Variants in CSMD1 observed in about 807,000 individuals in gnomAD.
CSMD1 encodes CUB and Sushi multiple domains 1, also known as CUB and sushi domain-containing protein 1.
A neutral mutation model predicts 417.5 loss-of-function variants in CSMD1; 213 were observed. The ratio of observed to expected loss-of-function variants is 0.51; its 90% CI spans 0.46 to 0.57. The LOEUF (loss-of-function observed/expected upper bound fraction) is 0.57. Ranked by LOEUF, CSMD1 falls within the 20% of genes least tolerant of loss-of-function variation. CSMD1 has a pLI of 0.00. For missense variants in CSMD1, 6,923 were observed against 4,529.7 expected (o/e 1.53, Z -15.17); for synonymous variants, 2,862 against 1,736.8 (o/e 1.65, Z -16.11).
intron 2 of CSMD1, among the ~76,000 whole-genome samples, chr8:4,558,827 C>T (rs1798205973): frequency 6.6e-6 from 1 of 152,150 alleles, no homozygotes; most frequent in South Asian, 2.1e-4. Context: ...GAGATCGTGC[C>T]ACTGCACTCC....
intron 5 of CSMD1, among the ~76,000 whole-genome samples, chr8:3,813,252 T>C (rs979981129): frequency 1.7e-4 from 26 of 152,166 alleles, no homozygotes; most frequent in Admixed American, 1.5e-3. Context: ...ATCATTAAGA[T>C]AGCAATCAAA....
intron 1 of CSMD1, among the ~76,000 whole-genome samples, chr8:4,924,972 C>T (rs1342774052): frequency 6.6e-6 from 1 of 152,152 alleles, no homozygotes; most frequent in African/African-American, 2.4e-5. Context: ...TTGCATCCAC[C>T]ATGGTGTCTA....
At chr8:3,527,609 T>G (rs1391288101) in intron 10 of CSMD1, among the ~76,000 whole-genome samples, 1 of 151,982 alleles carries the variant, frequency 6.6e-6, no homozygotes, top group East Asian at 1.9e-4. Flanking sequence ...CACACGGGCA[T>G]CTAAGAGTCC....
chr8:4,106,625 T>C (rs570239414), intron 3 of CSMD1, among the ~76,000 whole-genome samples: 2 of 152,214 alleles, frequency 1.3e-5, no homozygotes, highest in Non-Finnish European at 1.5e-5. Flanking sequence ...CACCAAAATA[T>C]ATCCAAAATG....
chr8:3,543,346 A>T (rs529874412), intron 10 of CSMD1, among the ~76,000 whole-genome samples: 150 of 152,316 alleles, frequency 9.8e-4, no homozygotes, highest in Middle Eastern at 3.4e-3. Flanking sequence ...GGGGATTTTG[A>T]GCAAACTAGA....
chr8:4,956,073 C>A (rs1208199929), intron 1 of CSMD1, among the ~76,000 whole-genome samples: 4 of 152,126 alleles, frequency 2.6e-5, no homozygotes, highest in Non-Finnish European at 5.9e-5. Flanking sequence ...TGACGTAAAA[C>A]CACTTAGGGG....
At chr8:3,439,309 A>ATATATATATATATATATATTTTTTT in intron 12 of CSMD1, among the ~76,000 whole-genome samples, 8 of 62,450 alleles carry the variant, frequency 1.3e-4, no homozygotes, top group African/African-American at 4.7e-4. Context: ...ATATATATAT[A>ATATATATATATATATATATTTTTTT]TTTTTTTTTT....
rs372250028 is a variant in CSMD1, at chr8:3,487,872, A to T, written c.1448+5751T>A. Among the ~76,000 whole-genome samples the T allele has an allele frequency of 2.9e-4, 44 of 151,730 alleles. No individual in the cohort carries two copies. The South Asian group carries it at 7.5e-3, about 26-fold the overall frequency. ...TGAAACCTCACTTAGTAACATTACC[A>T]ATTTTTTCTAACAAGATCCCATCAA... On this transcript the variant is annotated intron_variant, in intron 11 of 69. Transcript: ENST00000635120.
In CSMD1 at chr8:3,367,084, C is replaced by T; in HGVS notation, c.3063G>A (p.Arg1021=). 1 of 1,613,756 alleles carries T rather than the reference C, an allele frequency of 6.2e-7. No homozygotes were observed. Among genetic ancestry groups the T allele is most frequent in the Non-Finnish European group, 8.5e-7 (1 of 1,179,816 alleles). ...ACGAAATTGAGAAGTCTGATATAAA[C>T]CGAAGCTGGGCAGTGAAGTTTCCAA... ...GLFGNFTAQL[R]FISDFSISYE... The change falls in exon 20 of 70, where the codon CGG becomes CGA. Residue 1021 remains arginine, a synonymous_variant. Coordinates refer to ENST00000635120, the MANE Select transcript of CSMD1 (RefSeq NM_033225.6).
At chr8:2,987,402 TTTC>T (rs1415813310) in intron 54 of CSMD1, among the ~76,000 whole-genome samples, 1 of 148,480 alleles carries the variant, frequency 6.7e-6, no homozygotes, top group Non-Finnish European at 1.5e-5. Context: ...AACAGAAATA[TTTC>T]TTTCTATATA....
intron 1 of CSMD1, among the ~76,000 whole-genome samples, chr8:4,679,118 T>G (rs1805875539): frequency 6.6e-6 from 1 of 152,154 alleles, no homozygotes; most frequent in Admixed American, 6.5e-5. Context: ...AGTTTCTTTT[T>G]CTGTCAATGT....
intron 3 of CSMD1, among the ~76,000 whole-genome samples, chr8:4,048,668 A>T (rs951567926): frequency 2.0e-5 from 3 of 152,204 alleles, no homozygotes; most frequent in African/African-American, 7.2e-5. Context: ...ACCACAGAGG[A>T]AAGTGTGATT....
In CSMD1 at chr8:3,708,731, G is replaced by C. The variant is rs541790647; in HGVS notation, c.932-240C>G. On this transcript the variant is annotated intron_variant, in intron 6 of 69. Coordinates refer to ENST00000635120, the MANE Select transcript of CSMD1 (RefSeq NM_033225.6). ...CAGTGTCGGAAGCTAAAAATAATACGTGCTGCCACTGACTTTACACATCCA... is the reference window on the plus strand; with the variant it reads ...CAGTGTCGGAAGCTAAAAATAATACCTGCTGCCACTGACTTTACACATCCA... Among the ~76,000 whole-genome samples the C allele has an allele frequency of 1.5e-3, 225 of 152,246 alleles. 2 individuals carry two copies. The Middle Eastern group carries it at 0.031, about 21-fold the overall frequency.
At chr8:3,317,445 T>A (rs1425867030) in intron 23 of CSMD1, among the ~76,000 whole-genome samples, 2 of 152,188 alleles carry the variant, frequency 1.3e-5, no homozygotes, top group African/African-American at 4.8e-5. Flanking sequence ...AAGTGTGGAC[T>A]TGTATTCTCT....
rs767918956 is a variant in CSMD1 at position 4,986,881 on chromosome 8, C to T, written c.85+7451G>A. Among the ~76,000 whole-genome samples, 9 of 151,928 alleles carry T rather than the reference C, an allele frequency of 5.9e-5. No homozygotes were observed. The South Asian group carries it at 8.3e-4, about 14-fold the overall frequency. On this transcript the variant is annotated intron_variant, in intron 1 of 69. Transcript: ENST00000635120. The stretch of plus-strand genomic sequence containing the variant: ...ATGGTCTGTGAAAGATTAGTGAAAA[C>T]GTTATTAGATTTTGATCACTTTTAT...
intron 1 of CSMD1, among the ~76,000 whole-genome samples, chr8:4,765,961 C>T (rs571293306): frequency 2.0e-5 from 3 of 152,138 alleles, no homozygotes; most frequent in South Asian, 4.1e-4. Flanking sequence ...AGTTTCCAAA[C>T]ATTTATGTAA....
At chr8:3,971,779 G>A (rs1304899403) in intron 5 of CSMD1, among the ~76,000 whole-genome samples, 2 of 152,180 alleles carry the variant, frequency 1.3e-5, no homozygotes, top group South Asian at 2.1e-4. Context: ...AATTACCAGT[G>A]TAGAGAACAG....
chr8:3,500,437 G>A (rs1796552500), intron 10 of CSMD1, among the ~76,000 whole-genome samples: 1 of 152,094 alleles, frequency 6.6e-6, no homozygotes, highest in Non-Finnish European at 1.5e-5. Flanking sequence ...CACAGAAATG[G>A]GGGTCCCTAA....
chr8:3,893,352 T>C (rs1807120735), intron 5 of CSMD1, among the ~76,000 whole-genome samples: 1 of 134,234 alleles, frequency 7.4e-6, no homozygotes, highest in African/African-American at 2.6e-5. Context: ...TATATATATA[T>C]ATATATATAT....
Sources: allele counts gnomAD v4.1 joint callset (sites outside exome capture counted in the v4.1 genomes callset), GRCh38; gene constraint gnomAD v4.1.1; transcripts MANE v1.5; gene names NCBI Gene and HGNC (gene_info 2026-07-23, HGNC 2026-07-21).